The following HSF2BP variants were observed in gnomAD, a reference collection of about 807,000 sequenced individuals.
HSF2BP encodes the protein heat shock transcription factor 2 binding protein.
A neutral mutation model predicts 35.0 loss-of-function variants in HSF2BP; 35 were observed. The observed-to-expected ratio is 1.00, with a 90% CI of 0.76 to 1.32. The LOEUF is 1.32. Among genes scored for constraint, HSF2BP ranks in the 40% most tolerant of loss-of-function variants. HSF2BP has a pLI of 0.00. For synonymous variants in HSF2BP, 114 were observed against 117.4 expected, an observed-to-expected ratio of 0.97 and a Z score of 0.18; for missense variants, 326 against 321.7, an observed-to-expected ratio of 1.01 and a Z score of -0.10.
In HSF2BP at chr21:43,658,363, G is replaced by C. The variant is rs1159160399; in HGVS notation, c.-224-43C>G. 4 of 513,786 alleles carry C rather than the reference G, an allele frequency of 7.8e-6. No homozygotes were observed. The African/African-American group carries it at 8.1e-5, about 10-fold the overall frequency. 31.8% of individuals were successfully genotyped at this position (513,786 alleles called of 1,614,324 possible). A position where few individuals can be genotyped will look rare whatever the true frequency, so the allele number is the denominator to read the frequency against. On this transcript the variant is annotated intron_variant, in intron 1 of 8. Coordinates refer to ENST00000291560, the MANE Select transcript of HSF2BP (RefSeq NM_007031.2). ...AGTCAGCCCCTGATGTAAGTGTCAA[G>C]TAAAATAAATCGGATGGGTCCTTTC...
chr21:43,658,253 G>A lies in HSF2BP; in HGVS notation c.-157C>T. 1.2e-6 allele frequency: 1 copy of A among 832,810 alleles called. No individual in the cohort carries two copies. The highest frequency in any genetic ancestry group is 1.8e-5 in the African/African-American group (1 of 55,972). The allele number at this position is 832,810 out of a possible 1,614,324, so 51.6% of individuals were successfully genotyped here. ...TTGCGCAGTATTCTCGGCCTAGAGA[G>A]CGAGGAGTGGCCTTGGCGAGGTCCC... On this transcript the variant is annotated 5_prime_UTR_variant, in exon 2 of 9. Coordinates refer to ENST00000291560, the MANE Select transcript of HSF2BP (RefSeq NM_007031.2).
chr21:43,577,392 A>G (rs147722257), intron 8 of HSF2BP, among the ~76,000 whole-genome samples: 9 of 152,348 alleles, frequency 5.9e-5, no homozygotes, highest in African/African-American at 9.6e-5. Flanking sequence ...ACTTCAGCTA[A>G]AAGTACAAAA....
the HSF2BP span, among the ~76,000 whole-genome samples, chr21:43,467,754 ACAC>A: frequency 5.0e-5 from 3 of 59,836 alleles, no homozygotes; most frequent in African/African-American, 2.4e-4. Flanking sequence ...CACACACCAC[ACAC>A]CCACACACCA....
chr21:43,656,756 CTTA>C lies in HSF2BP; in HGVS notation c.37-22_37-20del, dbSNP rs775685085. The C allele has an allele frequency of 2.4e-5, 39 of 1,597,990 alleles. No homozygotes were observed. In the East Asian group the frequency reaches 4.0e-4, roughly 16 times the overall value. On this transcript the variant is annotated intron_variant, in intron 2 of 8. Coordinates refer to ENST00000291560, the MANE Select transcript of HSF2BP (RefSeq NM_007031.2). ...CCATGTGCTAAAAGAACAAGCAGATCTTATTATATTTCTCTTCACATGAGAAAA... is the reference window on the plus strand; with the variant it reads ...CCATGTGCTAAAAGAACAAGCAGATCTTATATTTCTCTTCACATGAGAAAA...
intron 4 of HSF2BP, among the ~76,000 whole-genome samples, chr21:43,641,897 C>G (rs2082641327): frequency 7.8e-6 from 1 of 127,482 alleles, no homozygotes; most frequent in South Asian, 2.5e-4. Context: ...GCCTGGACGA[C>G]AGAGCAAGAC....
At chr21:43,648,184 C>A (rs1947487047) in intron 3 of HSF2BP, among the ~76,000 whole-genome samples, 1 of 152,094 alleles carries the variant, frequency 6.6e-6, no homozygotes, top group South Asian at 2.1e-4. Flanking sequence ...ATGTTCTGGA[C>A]AATCTCCACC....
At chr21:43,653,111 C>G (rs1246554292) in intron 3 of HSF2BP, among the ~76,000 whole-genome samples, 2 of 150,974 alleles carry the variant, frequency 1.3e-5, no homozygotes, top group Non-Finnish European at 2.9e-5. Context: ...CCACTGCACT[C>G]AAGCCTGGGC....
intron 8 of HSF2BP, among the ~76,000 whole-genome samples, chr21:43,573,136 G>A (rs1003098217): frequency 1.3e-5 from 2 of 152,234 alleles, no homozygotes; most frequent in African/African-American, 4.8e-5. Context: ...GGTAAGCCAA[G>A]CATGGTGCTC....
At chr21:43,628,399 A>G (rs2082414342) in intron 6 of HSF2BP, among the ~76,000 whole-genome samples, 1 of 152,240 alleles carries the variant, frequency 6.6e-6, no homozygotes, top group Non-Finnish European at 1.5e-5. Context: ...AAGATCAAAA[A>G]TCATCAAAAA....
intron 4 of HSF2BP, among the ~76,000 whole-genome samples, chr21:43,636,166 G>A (rs1601706037): frequency 6.9e-6 from 1 of 145,788 alleles, no homozygotes; most frequent in Admixed American, 7.1e-5. Flanking sequence ...TCCAGCCTAG[G>A]TGACAGAGCA....
At chr21:43,648,000 A>G (rs540964939) in intron 3 of HSF2BP, among the ~76,000 whole-genome samples, 1 of 151,956 alleles carries the variant, frequency 6.6e-6, no homozygotes, top group South Asian at 2.1e-4. Flanking sequence ...GATTTCCCAA[A>G]CCAGAGTCAG....
intron 6 of HSF2BP, among the ~76,000 whole-genome samples, chr21:43,620,259 C>A (rs1470367955): frequency 3.3e-5 from 5 of 152,234 alleles, no homozygotes; most frequent in Non-Finnish European, 5.9e-5. Context: ...GAACCAGTGA[C>A]TGTCTCTAAC....
intron 8 of HSF2BP, among the ~76,000 whole-genome samples, chr21:43,587,572 G>GGA (rs928874308): frequency 1.3e-5 from 2 of 150,904 alleles, no homozygotes; most frequent in Non-Finnish European, 2.9e-5. Flanking sequence ...GGCTGAGGCA[G>GGA]GAGAATCGCT....
Position 43,597,609 on chromosome 21 carries a change from T to A in HSF2BP, c.693-5281A>T, listed in dbSNP as rs1327087100. On this transcript the variant is annotated intron_variant, in intron 7 of 8. Transcript: ENST00000291560. The surrounding 1 kb of genome is among the most constrained non-coding windows in gnomAD (Gnocchi z 4.3). ...AGTCATTATTCACTGCCACCTAGAATTCCTGGGCTCAAGCAATTCTCCTGC... is the reference window on the plus strand; with the variant it reads ...AGTCATTATTCACTGCCACCTAGAAATCCTGGGCTCAAGCAATTCTCCTGC... Among the ~76,000 whole-genome samples, 1 of 152,200 alleles carries A rather than the reference T, an allele frequency of 6.6e-6. No individual in the cohort carries two copies. Among genetic ancestry groups the A allele is most frequent in the Non-Finnish European group, 1.5e-5 (1 of 68,028 alleles).
At chr21:43,636,172 G>A (rs927345580) in intron 4 of HSF2BP, among the ~76,000 whole-genome samples, 1 of 143,840 alleles carries the variant, frequency 7.0e-6, no homozygotes, top group East Asian at 2.0e-4. Flanking sequence ...CTAGGTGACA[G>A]AGCAAGACAC....
chr21:43,651,814 T>C (rs1408405372), intron 3 of HSF2BP, among the ~76,000 whole-genome samples: 2 of 152,044 alleles, frequency 1.3e-5, no homozygotes, highest in Non-Finnish European at 2.9e-5. Flanking sequence ...AAATCATGCC[T>C]CTCCCCAGTA....
chr21:43,610,565 C>G (rs2146903224), intron 7 of HSF2BP, among the ~76,000 whole-genome samples: 1 of 152,220 alleles, frequency 6.6e-6, no homozygotes, highest in Non-Finnish European at 1.5e-5. Flanking sequence ...GTGATTGCAC[C>G]ACTGCACTCC....
At chr21:43,615,895 T>C (rs1450833769) in intron 6 of HSF2BP, among the ~76,000 whole-genome samples, 2 of 152,068 alleles carry the variant, frequency 1.3e-5, no homozygotes, top group African/African-American at 4.8e-5. Context: ...GAAACCCAGA[T>C]GTTGGAGAGC....
At chr21:43,592,906 A>G (rs1458457337) in intron 7 of HSF2BP, among the ~76,000 whole-genome samples, 1 of 152,216 alleles carries the variant, frequency 6.6e-6, no homozygotes, top group African/African-American at 2.4e-5. Flanking sequence ...GGCAATGCAG[A>G]GTCTGATGAA....
Sources: allele counts gnomAD v4.1 joint callset (sites outside exome capture counted in the v4.1 genomes callset), GRCh38; gene constraint gnomAD v4.1.1; non-coding constraint Gnocchi (gnomAD v3.1); transcripts MANE v1.5; gene names NCBI Gene and HGNC (gene_info 2026-07-23, HGNC 2026-07-21).